RNF38: variants seen among roughly 807,000 people sequenced by gnomAD.
The protein encoded by RNF38 is ring finger protein 38.
Under a neutral mutation model 67.2 loss-of-function variants are expected in RNF38, and 15 were observed. The ratio of observed to expected loss-of-function variants is 0.22; its 90% CI spans 0.15 to 0.34. The LOEUF is 0.34. RNF38 is among the 10% of genes least tolerant of loss of function. The pLI is 1.00. For synonymous variants in RNF38, 220 were observed against 218.8 expected (o/e 1.01, Z -0.05); for missense variants, 524 against 639.9 (o/e 0.82, Z 1.95).
chr9:36,397,326 C>T lies in RNF38; in HGVS notation c.12+2771G>A, dbSNP rs559862219. On this transcript the variant is annotated intron_variant, in intron 1 of 11. Coordinates refer to ENST00000259605, the MANE Select transcript of RNF38 (RefSeq NM_022781.5). ...ACAGGATTTCATCATATTATTCAGGCTGGTTTCAAACTCCTGACCTCAGGT... is the reference window on the plus strand; with the variant it reads ...ACAGGATTTCATCATATTATTCAGGTTGGTTTCAAACTCCTGACCTCAGGT... 1.5e-3 allele frequency among the ~76,000 whole-genome samples: 226 copies of T among 152,142 alleles called. 3 individuals carry two copies. Among genetic ancestry groups the T allele is most frequent in the Middle Eastern group, 3.4e-3 (1 of 294 alleles).
chr9:36,423,209 G>GAAGTTAAAA (rs1239343014), intron 2 of RNF38, among the ~76,000 whole-genome samples: 3 of 152,150 alleles, frequency 2.0e-5, no homozygotes, highest in Non-Finnish European at 4.4e-5. Flanking sequence ...GCCTTTGAAA[G>GAAGTTAAAA]AAGTTAAAAA....
chr9:36,349,213 T>C (rs1833520377), intron 9 of RNF38, among the ~76,000 whole-genome samples: 1 of 152,250 alleles, frequency 6.6e-6, no homozygotes, highest in Non-Finnish European at 1.5e-5. Flanking sequence ...GAGATGAATC[T>C]GGTTTTCCTG....
intron 1 of RNF38, among the ~76,000 whole-genome samples, chr9:36,455,790 A>AATAG (rs1342550925): frequency 1.3e-5 from 2 of 151,792 alleles, no homozygotes; most frequent in African/African-American, 4.8e-5. Context: ...GCACGTCTAT[A>AATAG]ATCCCAGCTA....
chr9:36,465,172 T>C (rs538540806), intron 1 of RNF38, among the ~76,000 whole-genome samples: 3 of 152,262 alleles, frequency 2.0e-5, no homozygotes, highest in East Asian at 3.9e-4. Flanking sequence ...GAATATAAAA[T>C]GGTGTAACAA....
intron 3 of RNF38, among the ~76,000 whole-genome samples, chr9:36,374,257 A>G (rs1211395122): frequency 1.3e-5 from 2 of 152,226 alleles, no homozygotes; most frequent in Non-Finnish European, 2.9e-5. Context: ...GGAACACAGA[A>G]TGCTGGTTTT....
chr9:36,430,353 T>G (rs189037913), intron 1 of RNF38, among the ~76,000 whole-genome samples: 1 of 152,150 alleles, frequency 6.6e-6, no homozygotes, highest in South Asian at 2.1e-4. Flanking sequence ...ATTACAGGCA[T>G]GCGCCACCAC....
chr9:36,482,528 T>C (rs747889285), intron 1 of RNF38, among the ~76,000 whole-genome samples: 2 of 150,878 alleles, frequency 1.3e-5, no homozygotes, highest in East Asian at 3.9e-4. Context: ...AATTTTTCTA[T>C]TGTTAGTAGA....
upstream of RNF38, chr9:36,400,285 T>G: frequency 7.7e-7 from 1 of 1,304,342 alleles, no homozygotes. Context: ...AGAGGACCCT[T>G]TCGACCGGGT....
At chr9:36,366,599 T>C (rs1454576458) in intron 4 of RNF38, among the ~76,000 whole-genome samples, 1 of 152,252 alleles carries the variant, frequency 6.6e-6, no homozygotes, top group Non-Finnish European at 1.5e-5. Context: ...CTGCAAATAT[T>C]GATGGTGTTA....
intron 1 of RNF38, among the ~76,000 whole-genome samples, chr9:36,445,217 A>G (rs1587148125): frequency 6.6e-6 from 1 of 152,226 alleles, no homozygotes; most frequent in East Asian, 1.9e-4. Flanking sequence ...CTGGAACCAA[A>G]GAACAGAAAA....
chr9:36,410,658 A>G (rs1297808100), intron 2 of RNF38, among the ~76,000 whole-genome samples: 1 of 152,272 alleles, frequency 6.6e-6, no homozygotes. Flanking sequence ...GACATCCAGT[A>G]TGAAAACACC....
intron 1 of RNF38, among the ~76,000 whole-genome samples, chr9:36,438,746 C>T (rs764508227): frequency 6.6e-6 from 1 of 152,204 alleles, no homozygotes; most frequent in Non-Finnish European, 1.5e-5. Context: ...AAGAAAGAAT[C>T]TCCTCTTACC....
chr9:36,439,111 TAAAC>T (rs1839136362), intron 1 of RNF38, among the ~76,000 whole-genome samples: 1 of 152,146 alleles, frequency 6.6e-6, no homozygotes, highest in Non-Finnish European at 1.5e-5. Flanking sequence ...TGAATTCAAA[TAAAC>T]AAGAAGTGAT....
intron 1 of RNF38, among the ~76,000 whole-genome samples, chr9:36,473,025 G>A (rs1380078517): frequency 2.0e-5 from 3 of 152,072 alleles, no homozygotes; most frequent in Non-Finnish European, 2.9e-5. Context: ...CCAGCTACTC[G>A]GGAGGCTGAG....
chr9:36,349,373 A>G (rs1833528329), intron 9 of RNF38, among the ~76,000 whole-genome samples: 1 of 152,166 alleles, frequency 6.6e-6, no homozygotes, highest in Non-Finnish European at 1.5e-5. Context: ...CATTTCCCTG[A>G]TTGCAATGTT....
intron 4 of RNF38, among the ~76,000 whole-genome samples, chr9:36,369,018 A>G (rs1835174978): frequency 6.6e-6 from 1 of 152,148 alleles, no homozygotes. Context: ...GAAAAGGGAA[A>G]TGAAACATTG....
chr9:36,362,490 T>C (rs1285463228), intron 4 of RNF38, among the ~76,000 whole-genome samples: 1 of 145,802 alleles, frequency 6.9e-6, no homozygotes, highest in East Asian at 2.0e-4. Context: ...AAAAAAATCA[T>C]CAGATGAACA....
At chr9:36,483,947 T>C (rs1307176578) in intron 1 of RNF38, among the ~76,000 whole-genome samples, 8 of 152,192 alleles carry the variant, frequency 5.3e-5, no homozygotes. Context: ...AAGAGGGGTA[T>C]GGCATCCAAC....
intron 4 of RNF38, among the ~76,000 whole-genome samples, chr9:36,364,176 C>T (rs1834772002): frequency 6.6e-6 from 1 of 152,052 alleles, no homozygotes. Context: ...TCTCCTCCAC[C>T]AGAGACAGCA....
Sources: allele counts gnomAD v4.1 joint callset (sites outside exome capture counted in the v4.1 genomes callset), GRCh38; gene constraint gnomAD v4.1.1; transcripts MANE v1.5; gene names NCBI Gene and HGNC (gene_info 2026-07-23, HGNC 2026-07-21).